The following TRPC1 variants were observed in gnomAD, a reference collection of about 807,000 sequenced individuals.
TRPC1 encodes the protein transient receptor potential cation channel subfamily C member 1.
In TRPC1, 42 loss-of-function variants were observed where a neutral mutation model predicts 88.2. The observed-to-expected ratio is 0.48, with a 90% CI of 0.37 to 0.62. TRPC1 has a LOEUF of 0.62. Ranked by LOEUF, TRPC1 falls within the 20% of genes least tolerant of loss-of-function variation. The pLI is 0.00. For synonymous variants in TRPC1, 288 were observed against 331.8 expected (o/e 0.87, Z 1.43); for missense variants, 699 against 957.3 (o/e 0.73, Z 3.56).
At chr3:142,750,463 G>A (rs1001948485) in intron 4 of TRPC1, among the ~76,000 whole-genome samples, 1 of 152,186 alleles carries the variant, frequency 6.6e-6, no homozygotes, top group African/African-American at 2.4e-5. Flanking sequence ...TTACACTGTT[G>A]GTGGGAGTGC....
chr3:142,791,253 A>T, intron 8 of TRPC1, 95 bp downstream of exon 8: 1 of 1,110,506 alleles, frequency 9.0e-7, no homozygotes, highest in Non-Finnish European at 1.3e-6. Flanking sequence ...ACATTGAGCC[A>T]GATCAGTGTC....
chr3:142,748,442 A>G lies in TRPC1; in HGVS notation c.614A>G (p.Asp205Gly), dbSNP rs900432169. ...CTLCSAKNKKDSLRHSRFRLD... is the reference protein window; with the variant it reads ...CTLCSAKNKKGSLRHSRFRLD... Reference sequence around the variant, plus strand: ...TTGTGTTCTGCAAAAAACAAAAAGGATAGCCTCCGGCATTCCAGGTTAGAA... The same window carrying G: ...TTGTGTTCTGCAAAAAACAAAAAGGGTAGCCTCCGGCATTCCAGGTTAGAA... Residue 205 changes from aspartate to glycine, a missense_variant, in exon 4 of 13, where the codon GAT becomes GGT. Physicochemically the swap from Asp to Gly is moderately conservative, Grantham distance 94. Transcript: ENST00000476941. 8.7e-6 allele frequency: 14 copies of G among 1,613,998 alleles called. No homozygotes were observed. The highest frequency in any genetic ancestry group is 1.2e-5 in the Non-Finnish European group (14 of 1,179,980).
At chr3:142,761,280 G>A (rs1213797892) in intron 4 of TRPC1, among the ~76,000 whole-genome samples, 1 of 152,060 alleles carries the variant, frequency 6.6e-6, no homozygotes, top group East Asian at 1.9e-4. Flanking sequence ...TTGTTATAAA[G>A]GGATGTTGAA....
At chr3:142,785,693 G>T (rs1354818955) in intron 7 of TRPC1, among the ~76,000 whole-genome samples, 9 of 152,180 alleles carry the variant, frequency 5.9e-5, no homozygotes, top group African/African-American at 1.9e-4. Flanking sequence ...TAGAGATGGG[G>T]TTTCACTTCA....
chr3:142,773,256 AT>A (rs1310499923), intron 4 of TRPC1, among the ~76,000 whole-genome samples: 1 of 151,910 alleles, frequency 6.6e-6, no homozygotes, highest in Non-Finnish European at 1.5e-5. Context: ...TGTGTTGCCC[AT>A]GCTGGAGTGC....
intron 1 of TRPC1, among the ~76,000 whole-genome samples, chr3:142,733,645 T>C (rs553909392): frequency 6.6e-6 from 1 of 152,364 alleles, no homozygotes; most frequent in African/African-American, 2.4e-5. Context: ...ATTTATAAAA[T>C]GTCATAAGGA....
chr3:142,773,586 T>G (rs536850797), intron 4 of TRPC1, among the ~76,000 whole-genome samples: 5 of 149,732 alleles, frequency 3.3e-5, no homozygotes, highest in African/African-American at 9.9e-5. Flanking sequence ...AGGCAGTTTT[T>G]TTTTTTTTTT....
At chr3:142,766,409 CT>C (rs569348943) in intron 4 of TRPC1, among the ~76,000 whole-genome samples, 3,532 of 133,532 alleles carry the variant, frequency 0.026, 61 homozygotes, top group East Asian at 0.067. Flanking sequence ...TTTTTTTTTT[CT>C]TTTTTTTTGA....
intron 2 of TRPC1, among the ~76,000 whole-genome samples, chr3:142,742,295 ATGCT>A (rs1934381931): frequency 6.6e-6 from 1 of 152,210 alleles, no homozygotes; most frequent in Admixed American, 6.5e-5. Flanking sequence ...CAGAGTAATA[ATGCT>A]AGGACTTTAA....
intron 6 of TRPC1, among the ~76,000 whole-genome samples, chr3:142,782,202 T>C (rs1935982679): frequency 6.6e-6 from 1 of 152,160 alleles, no homozygotes; most frequent in South Asian, 2.1e-4. Context: ...AATTTTCTAA[T>C]GATAGCTATA....
At chr3:142,757,450 T>C (rs948220484) in intron 4 of TRPC1, among the ~76,000 whole-genome samples, 1 of 152,070 alleles carries the variant, frequency 6.6e-6, no homozygotes, top group Non-Finnish European at 1.5e-5. Context: ...GTGGCACATA[T>C]ATACCCTGGA....
chr3:142,768,785 A>G (rs1935481201), intron 4 of TRPC1, among the ~76,000 whole-genome samples: 1 of 152,044 alleles, frequency 6.6e-6, no homozygotes, highest in Non-Finnish European at 1.5e-5. Flanking sequence ...TTAGTGTATT[A>G]CAATCTATTT....
chr3:142,804,745 T>A, intron 12 of TRPC1, 115 bp downstream of exon 12: 2 of 902,006 alleles, frequency 2.2e-6, no homozygotes, highest in Non-Finnish European at 3.3e-6. Context: ...TCTGACTTTT[T>A]TTCACTGCTA....
Position 142,724,793 on chromosome 3 carries a change from C to G in TRPC1, c.172+62C>G, listed in dbSNP as rs922088689. ...GTCCTCCAGACCTTTAGTCCTCTCC[C>G]CCGCCTCAACTTATATCGGGGCATT... On this transcript the variant is annotated intron_variant, in intron 1 of 12. Transcript: ENST00000476941. The surrounding 1 kb of genome is among the most constrained non-coding windows in gnomAD (Gnocchi z 5.6). The G allele has an allele frequency of 6.9e-7, 1 of 1,440,160 alleles. No individual in the cohort carries two copies. The highest frequency in any genetic ancestry group is 1.5e-5 in the South Asian group (1 of 67,752). The allele number at this position is 1,440,160 out of a possible 1,614,324, so 89.2% of individuals were successfully genotyped here.
In TRPC1 at chr3:142,724,545, C is replaced by G. The variant is rs778533085; in HGVS notation, c.-15C>G. The G allele has an allele frequency of 4.5e-6, 7 of 1,553,296 alleles. No homozygotes were observed. The highest frequency in any genetic ancestry group is 5.2e-6 in the Non-Finnish European group (6 of 1,151,908). ...CCCGCCCCCGTCTCCTGGCCTGCCC[C>G]CTTCATGGGCCGCGATGATGGCGGC... On this transcript the variant is annotated 5_prime_UTR_variant, in exon 1 of 13. Coordinates refer to ENST00000476941, the MANE Select transcript of TRPC1 (RefSeq NM_001251845.2). The surrounding 1 kb of genome is among the most constrained non-coding windows in gnomAD (Gnocchi z 5.6).
chr3:142,751,989 A>G (rs112825923), intron 4 of TRPC1, among the ~76,000 whole-genome samples: 31 of 152,330 alleles, frequency 2.0e-4, no homozygotes, highest in African/African-American at 7.5e-4. Flanking sequence ...TAAAATGACA[A>G]GCAGAAATTA....
intron 4 of TRPC1, among the ~76,000 whole-genome samples, chr3:142,768,448 C>G (rs950831308): frequency 6.6e-6 from 1 of 152,042 alleles, no homozygotes; most frequent in African/African-American, 2.4e-5. Context: ...CTTTTTCCAA[C>G]CCTTTATTTT....
chr3:142,749,336 A>G (rs1301673013), intron 4 of TRPC1, among the ~76,000 whole-genome samples: 2 of 152,192 alleles, frequency 1.3e-5, no homozygotes, highest in Non-Finnish European at 2.9e-5. Context: ...TTACTGGTTT[A>G]TATATTTACT....
intron 2 of TRPC1, among the ~76,000 whole-genome samples, chr3:142,738,165 TA>T (rs1934212089): frequency 6.6e-6 from 1 of 152,188 alleles, no homozygotes; most frequent in Non-Finnish European, 1.5e-5. Context: ...TCATAGACTT[TA>T]ATGAATTTCT....
Sources: allele counts gnomAD v4.1 joint callset (sites outside exome capture counted in the v4.1 genomes callset), GRCh38; gene constraint gnomAD v4.1.1; non-coding constraint Gnocchi (gnomAD v3.1); transcripts MANE v1.5; gene names NCBI Gene and HGNC (gene_info 2026-07-23, HGNC 2026-07-21).